Variants in ARHGAP44 observed in about 807,000 individuals in gnomAD.
ARHGAP44 encodes rho GTPase-activating protein 44.
A neutral mutation model predicts 106.8 loss-of-function variants in ARHGAP44; 43 were observed. The observed-to-expected ratio is 0.40, with a 90% CI of 0.32 to 0.52. The LOEUF (loss-of-function observed/expected upper bound fraction) is 0.52, where lower values mean the gene tolerates loss of function less well. ARHGAP44 is among the 20% of genes least tolerant of loss of function. The pLI is 0.48. For missense variants in ARHGAP44, 866 were observed against 1,050.5 expected (o/e 0.82, Z 2.43); for synonymous variants, 439 against 410.3 (o/e 1.07, Z -0.85).
At chr17:12,929,193 A>C (rs2038331676) in intron 7 of ARHGAP44, 147 bp downstream of exon 7, 1 of 662,084 alleles carries the variant, frequency 1.5e-6, no homozygotes, top group African/African-American at 1.8e-5. Flanking sequence ...AGCATCTCCA[A>C]GGAGTCCAGG....
chr17:12,959,026 C>A, intron 16 of ARHGAP44, 129 bp downstream of exon 16: 1 of 1,135,822 alleles, frequency 8.8e-7, no homozygotes, highest in African/African-American at 1.5e-5. Context: ...TGACTCGTAG[C>A]AATTAAACTG....
intron 1 of ARHGAP44, among the ~76,000 whole-genome samples, chr17:12,807,823 T>C (rs1296920659): frequency 6.6e-6 from 1 of 152,212 alleles, no homozygotes; most frequent in Non-Finnish European, 1.5e-5. Flanking sequence ...TCTTAACTCA[T>C]TTCAGCATTA....
intron 1 of ARHGAP44, among the ~76,000 whole-genome samples, chr17:12,841,639 C>CACACACACACACAA (rs1555546108): frequency 1.5e-5 from 2 of 137,398 alleles, no homozygotes; most frequent in African/African-American, 5.9e-5. Context: ...CACACACACA[C>CACACACACACACAA]AAACAAACAA....
chr17:12,879,500 A>G (rs9898413), intron 1 of ARHGAP44, among the ~76,000 whole-genome samples: 10,573 of 152,032 alleles, frequency 0.07, 401 homozygotes, highest in East Asian at 0.1. Flanking sequence ...GGGATTGCTT[A>G]TTGGTGATTT....
At chr17:12,938,764 T>C (rs1168989926) in intron 7 of ARHGAP44, among the ~76,000 whole-genome samples, 1 of 152,180 alleles carries the variant, frequency 6.6e-6, no homozygotes, top group Non-Finnish European at 1.5e-5. Context: ...TTGCTAATGA[T>C]TTAGATAAAT....
intron 6 of ARHGAP44, among the ~76,000 whole-genome samples, chr17:12,927,340 A>G (rs1445638216): frequency 1.8e-4 from 27 of 152,170 alleles, no homozygotes; most frequent in Admixed American, 1.8e-3. Context: ...TTCTTGTATT[A>G]TAGAGCCTTG....
At chr17:12,891,380 A>T (rs2037040309) in intron 1 of ARHGAP44, among the ~76,000 whole-genome samples, 1 of 152,228 alleles carries the variant, frequency 6.6e-6, no homozygotes, top group Non-Finnish European at 1.5e-5. Flanking sequence ...GAAGTTTGAG[A>T]TGGAGGAGCT....
intron 3 of ARHGAP44, among the ~76,000 whole-genome samples, chr17:12,902,963 T>C (rs2150930219): frequency 6.6e-6 from 1 of 152,186 alleles, no homozygotes; most frequent in Non-Finnish European, 1.5e-5. Flanking sequence ...TGAGAACCAC[T>C]GAGACCCAAG....
At chr17:12,940,502 A>G (rs554226048) in intron 7 of ARHGAP44, among the ~76,000 whole-genome samples, 3 of 152,318 alleles carry the variant, frequency 2.0e-5, no homozygotes, top group Non-Finnish European at 4.4e-5. Flanking sequence ...GCAGTTTTGC[A>G]TGAGTCCAGA....
chr17:12,952,971 T>C (rs1044948348), intron 13 of ARHGAP44, among the ~76,000 whole-genome samples: 1 of 151,932 alleles, frequency 6.6e-6, no homozygotes, highest in African/African-American at 2.4e-5. Context: ...ATTTTTTAGA[T>C]AAGGAAATGG....
chr17:12,957,647 G>A (rs1389702205), intron 15 of ARHGAP44, among the ~76,000 whole-genome samples: 1 of 152,110 alleles, frequency 6.6e-6, no homozygotes, highest in African/African-American at 2.4e-5. Context: ...CTTCCTAAGA[G>A]GGAGTTTCAG....
In ARHGAP44 at chr17:12,990,011, T is replaced by C. The variant is rs932546050; in HGVS notation, c.2318-21T>C. 2.5e-6 allele frequency: 4 copies of C among 1,590,486 alleles called. No individual in the cohort carries two copies. The African/African-American group carries it at 4.0e-5, about 16-fold the overall frequency. Reference sequence around the variant, plus strand: ...GCCGGGAAGCCTCCTTTCAACCACCTCTCTCTCTGCCGCCTTCCAGATCTT... The same window carrying C: ...GCCGGGAAGCCTCCTTTCAACCACCCCTCTCTCTGCCGCCTTCCAGATCTT... On this transcript the variant is annotated intron_variant, in intron 20 of 20. Transcript: ENST00000379672.
intron 1 of ARHGAP44, among the ~76,000 whole-genome samples, chr17:12,855,370 C>G (rs1349863969): frequency 6.6e-6 from 1 of 152,044 alleles, no homozygotes; most frequent in Non-Finnish European, 1.5e-5. Context: ...ATTATAATAC[C>G]ATTTATCTTG....
Position 12,940,809 on chromosome 17 carries a change from A to G in ARHGAP44, c.583-247A>G, listed in dbSNP as rs2072256. Among the ~76,000 whole-genome samples the G allele has an allele frequency of 0.73, 111,490 of 152,178 alleles. 41,223 individuals are homozygous for G. The highest frequency in any genetic ancestry group is 0.82 in the African/African-American group (33,940 of 41,518). On this transcript the variant is annotated intron_variant, in intron 7 of 20. Coordinates refer to ENST00000379672, the MANE Select transcript of ARHGAP44 (RefSeq NM_014859.6). Reference sequence around the variant, plus strand: ...CTCCTCTACACCAACTTTGACTTTAACTGTGGTCCAAATGTCAAAATCTCT... The same window carrying G: ...CTCCTCTACACCAACTTTGACTTTAGCTGTGGTCCAAATGTCAAAATCTCT...
chr17:12,895,622 G>A (rs923550319), intron 2 of ARHGAP44, among the ~76,000 whole-genome samples: 2 of 152,206 alleles, frequency 1.3e-5, no homozygotes, highest in South Asian at 4.1e-4. Context: ...TGGAGAGGAT[G>A]TGGAAAATAG....
At chr17:12,790,218 C>T (rs1006636655) in intron 1 of ARHGAP44, 6 of 338,374 alleles carry the variant, frequency 1.8e-5, no homozygotes, top group African/African-American at 1.1e-4. Flanking sequence ...GGCCGCCTGT[C>T]TTCCTGGAAA....
intron 17 of ARHGAP44, chr17:12,973,684 T>C (rs1359619672): frequency 2.1e-6 from 1 of 473,858 alleles, no homozygotes; most frequent in African/African-American, 2.0e-5. Flanking sequence ...CGTCTTGCAC[T>C]TGGGAGGAGT....
rs147701938 is a variant in ARHGAP44 at position 12,921,128 on chromosome 17, G to A, written c.464+1297G>A. ...GTCACCCAGGCTGGAGTGCAGTGGCGCGGTCTCTGCTCACTGCAACCTCCG... is the reference window on the plus strand; with the variant it reads ...GTCACCCAGGCTGGAGTGCAGTGGCACGGTCTCTGCTCACTGCAACCTCCG... On this transcript the variant is annotated intron_variant, in intron 6 of 20. Transcript: ENST00000379672. Among the ~76,000 whole-genome samples, 70 of 152,072 alleles carry A rather than the reference G, an allele frequency of 4.6e-4. No homozygotes were observed. In the East Asian group the frequency reaches 8.3e-3, roughly 18 times the overall value.
At chr17:12,840,203 T>C (rs928415451) in intron 1 of ARHGAP44, among the ~76,000 whole-genome samples, 1 of 152,194 alleles carries the variant, frequency 6.6e-6, no homozygotes, top group Non-Finnish European at 1.5e-5. Context: ...TATTATGTAT[T>C]GATCTGTTTT....
Sources: gnomAD v4.1 joint callset for allele counts (sites outside exome capture counted in the v4.1 genomes callset) on GRCh38, gnomAD v4.1.1 for gene constraint, MANE v1.5 for transcripts, NCBI Gene and HGNC (gene_info 2026-07-23, HGNC 2026-07-21) for gene names.